The following FSTL5 variants were observed in gnomAD, a reference collection of about 807,000 sequenced individuals.
FSTL5 encodes follistatin like 5.
FSTL5 carries 62 observed loss-of-function variants against 89.1 expected under a neutral mutation model. That is an observed-to-expected ratio of 0.70 (90% CI 0.57 to 0.86). The LOEUF (loss-of-function observed/expected upper bound fraction) is 0.86, where lower values mean the gene tolerates loss of function less well. Among genes scored for constraint, FSTL5 ranks in the 40% least tolerant of loss-of-function variants. The probability of loss-of-function intolerance (pLI) is 0.00; values close to 1 mark genes in which losing one functional copy is unlikely to be tolerated. For synonymous variants in FSTL5, 383 were observed against 346.2 expected (o/e 1.11, Z -1.18); for missense variants, 1,057 against 1,001.6 (o/e 1.06, Z -0.75).
chr4:161,768,227 T>C (rs1741086488), intron 5 of FSTL5, among the ~76,000 whole-genome samples: 1 of 152,060 alleles, frequency 6.6e-6, no homozygotes, highest in Admixed American at 6.6e-5. Flanking sequence ...CTAAGGGAAG[T>C]CTATGATAGA....
At chr4:161,980,094 A>AAAAC (rs141935451) in intron 3 of FSTL5, among the ~76,000 whole-genome samples, 18 of 149,062 alleles carry the variant, frequency 1.2e-4, no homozygotes, top group African/African-American at 4.2e-4. Flanking sequence ...AGAAAAAAGA[A>AAAAC]AAAGAAAGAG....
In FSTL5 at chr4:161,986,942, T is replaced by C. The variant is rs374860314; in HGVS notation, c.160+46683A>G. ...CCTTGAAAACTAAATCCTAAAAGTA[T>C]GGTATTCAAAACTAGAAGTTGTGAA... On this transcript the variant is annotated intron_variant, in intron 3 of 15. Transcript: ENST00000306100. Among the ~76,000 whole-genome samples the C allele has an allele frequency of 5.3e-5, 8 of 152,288 alleles. No homozygotes were observed. In the East Asian group the frequency reaches 7.7e-4, roughly 15 times the overall value.
chr4:161,746,680 C>T (rs1344985694), intron 6 of FSTL5, among the ~76,000 whole-genome samples: 2 of 152,152 alleles, frequency 1.3e-5, no homozygotes, highest in Non-Finnish European at 2.9e-5. Flanking sequence ...AGGCATTTTG[C>T]ACTCAGTTTC....
intron 7 of FSTL5, among the ~76,000 whole-genome samples, chr4:161,651,060 G>T (rs550648116): frequency 3.9e-5 from 6 of 151,996 alleles, no homozygotes; most frequent in Admixed American, 6.6e-5. Flanking sequence ...TTCCTCTCCA[G>T]GTTTCTCTCA....
intron 3 of FSTL5, among the ~76,000 whole-genome samples, chr4:162,021,020 A>G (rs1486179008): frequency 6.6e-6 from 1 of 152,120 alleles, no homozygotes; most frequent in Non-Finnish European, 1.5e-5. Flanking sequence ...GTATTTTAGA[A>G]AAAGTTTAAG....
At chr4:161,955,706 A>C (rs1053785046) in intron 3 of FSTL5, among the ~76,000 whole-genome samples, 3 of 152,022 alleles carry the variant, frequency 2.0e-5, no homozygotes, top group East Asian at 1.9e-4. Context: ...TTCTTTGCAA[A>C]CAGAACCTTC....
chr4:161,778,141 C>G (rs1448862919), intron 4 of FSTL5, among the ~76,000 whole-genome samples: 2 of 151,646 alleles, frequency 1.3e-5, no homozygotes. Context: ...AGAAAAAATT[C>G]TCTAATATTT....
intron 7 of FSTL5, among the ~76,000 whole-genome samples, chr4:161,617,753 G>C (rs1734950544): frequency 6.6e-6 from 1 of 152,178 alleles, no homozygotes; most frequent in Non-Finnish European, 1.5e-5. Context: ...AGAAAGGAAA[G>C]AAAAACTGTG....
At chr4:161,622,778 T>C (rs1735189600) in intron 7 of FSTL5, among the ~76,000 whole-genome samples, 1 of 152,146 alleles carries the variant, frequency 6.6e-6, no homozygotes, top group Non-Finnish European at 1.5e-5. Context: ...AGAAAATTTT[T>C]ATTTAAGAAT....
intron 8 of FSTL5, among the ~76,000 whole-genome samples, chr4:161,552,849 T>C (rs1732262840): frequency 6.6e-6 from 1 of 151,634 alleles, no homozygotes; most frequent in African/African-American, 2.4e-5. Flanking sequence ...TATTATGAAA[T>C]ATAAATGAGG....
intron 1 of FSTL5, among the ~76,000 whole-genome samples, chr4:162,143,748 A>C (rs11100414): frequency 0.49 from 62,959 of 127,582 alleles, 13,988 homozygotes; most frequent in Admixed American, 0.57. Context: ...ACACACACAC[A>C]CCCAGGAAAA....
chr4:161,800,936 G>A (rs928224896), intron 4 of FSTL5, among the ~76,000 whole-genome samples: 4 of 151,538 alleles, frequency 2.6e-5, no homozygotes, highest in South Asian at 2.1e-4. Context: ...CAAGTTTATC[G>A]TAGTCTATGT....
At chr4:162,153,734 A>G (rs13134771) in intron 1 of FSTL5, among the ~76,000 whole-genome samples, 2 of 106,204 alleles carry the variant, frequency 1.9e-5, no homozygotes, top group African/African-American at 6.4e-5. Flanking sequence ...ATATGTATAT[A>G]TGTATATAAT....
Position 161,385,803 on chromosome 4 carries a change from A to C in FSTL5, c.2488T>G (p.Cys830Gly), listed in dbSNP as rs770280281. 1 of 1,611,434 alleles carries C rather than the reference A, an allele frequency of 6.2e-7. No individual in the cohort carries two copies. The highest frequency in any genetic ancestry group is 8.5e-7 in the Non-Finnish European group (1 of 1,179,272). Residue 830 changes from cysteine to glycine, a missense_variant, in exon 16 of 16, where the codon TGT (cysteine) becomes GGT (glycine). By Grantham distance (159) the Cys-to-Gly change is radical (BLOSUM62 -3). This residue lies in a region of FSTL5 where 68 missense variants were observed against 73.3 expected (regional missense o/e 0.93). Coordinates refer to ENST00000306100, the MANE Select transcript of FSTL5 (RefSeq NM_020116.5). ...ILDGRLNKLNCEITEVEKGNT... is the reference protein window; with the variant it reads ...ILDGRLNKLNGEITEVEKGNT... The stretch of plus-strand genomic sequence containing the variant: ...CCTTTTTCAACTTCAGTGATCTCAC[A>C]GTTTAATTTATTGAGTCGTCCATCT...
At chr4:161,835,224 T>C (rs972238630) in intron 4 of FSTL5, among the ~76,000 whole-genome samples, 3 of 151,890 alleles carry the variant, frequency 2.0e-5, no homozygotes, top group African/African-American at 7.3e-5. Flanking sequence ...ATTTAATAAA[T>C]GGTGCTGGGA....
chr4:161,582,928 C>T (rs532290655), intron 8 of FSTL5, among the ~76,000 whole-genome samples: 4 of 152,254 alleles, frequency 2.6e-5, no homozygotes, highest in African/African-American at 9.6e-5. Context: ...TGGCTCATGC[C>T]TGTAATCCCA....
chr4:161,717,425 T>C (rs1221467511), intron 6 of FSTL5, among the ~76,000 whole-genome samples: 1 of 152,148 alleles, frequency 6.6e-6, no homozygotes, highest in Non-Finnish European at 1.5e-5. Flanking sequence ...CTTTAGCAAC[T>C]CTGGGGTATG....
intron 3 of FSTL5, among the ~76,000 whole-genome samples, chr4:162,011,858 A>G (rs77513692): frequency 0.11 from 16,242 of 152,142 alleles, 905 homozygotes; most frequent in Non-Finnish European, 0.13. Flanking sequence ...TTCAAGTGCC[A>G]CATCAAATCT....
intron 6 of FSTL5, among the ~76,000 whole-genome samples, chr4:161,664,074 G>T (rs939319021): frequency 2.6e-5 from 4 of 152,316 alleles, no homozygotes; most frequent in Admixed American, 2.6e-4. Context: ...CCAGGGCCTG[G>T]CACAGGAAAC....
Sources: allele counts gnomAD v4.1 joint callset (sites outside exome capture counted in the v4.1 genomes callset), GRCh38; gene constraint gnomAD v4.1.1; regional missense constraint gnomAD v4.1.1; transcripts MANE v1.5; gene names NCBI Gene and HGNC (gene_info 2026-07-23, HGNC 2026-07-21).